DNAH7: variants seen among roughly 807,000 people sequenced by gnomAD.
The protein encoded by DNAH7 is axonemal beta dynein heavy chain 7.
In DNAH7, 397 loss-of-function variants were observed where a neutral mutation model predicts 444.6. The observed-to-expected ratio is 0.89, with a 90% CI of 0.82 to 0.97. DNAH7 has a LOEUF of 0.97. DNAH7 is among the 50% of genes least tolerant of loss of function. The pLI, the probability that DNAH7 is intolerant of heterozygous loss-of-function variation, is 0.00. For synonymous variants in DNAH7, 1,636 were observed against 1,624.4 expected (o/e 1.01, Z -0.17); for missense variants, 4,902 against 4,800.8 (o/e 1.02, Z -0.62).
intron 10 of DNAH7, among the ~76,000 whole-genome samples, chr2:196,005,897 A>G (rs182748310): frequency 2.0e-5 from 3 of 151,070 alleles, no homozygotes; most frequent in African/African-American, 7.4e-5. Flanking sequence ...TTACTATAAT[A>G]CCAACTACAA....
At chr2:196,021,968 A>C (rs1461542644) in intron 8 of DNAH7, among the ~76,000 whole-genome samples, 1 of 152,112 alleles carries the variant, frequency 6.6e-6, no homozygotes, top group Non-Finnish European at 1.5e-5. Context: ...CTCTACTAAA[A>C]ATACAAAAAT....
chr2:196,062,325 CTGGCACAT>C (rs1698174678), intron 1 of DNAH7, among the ~76,000 whole-genome samples: 1 of 152,182 alleles, frequency 6.6e-6, no homozygotes, highest in Non-Finnish European at 1.5e-5. Flanking sequence ...TCAACTCCCT[CTGGCACAT>C]ACTTAACTAA....
At chr2:195,950,362 C>T (rs192050015) in intron 19 of DNAH7, among the ~76,000 whole-genome samples, 2 of 152,226 alleles carry the variant, frequency 1.3e-5, no homozygotes, top group East Asian at 3.9e-4. Flanking sequence ...AGAATTTATC[C>T]ATTTCTTCTA....
At chr2:196,053,150 G>A (rs985001520) in intron 2 of DNAH7, among the ~76,000 whole-genome samples, 11 of 152,222 alleles carry the variant, frequency 7.2e-5, no homozygotes, top group African/African-American at 2.7e-4. Flanking sequence ...AAAAGTGCTA[G>A]GTAGATGGAG....
intron 13 of DNAH7, among the ~76,000 whole-genome samples, chr2:195,987,711 T>C (rs1453278783): frequency 6.6e-6 from 1 of 152,034 alleles, no homozygotes; most frequent in African/African-American, 2.4e-5. Context: ...ATGGGGCAAA[T>C]TATATAAAAT....
Position 195,884,815 on chromosome 2 carries a change from T to C in DNAH7, c.5539-6A>G, listed in dbSNP as rs370848889. 86 of 1,605,854 alleles carry C rather than the reference T, an allele frequency of 5.4e-5. No individual in the cohort carries two copies. Among genetic ancestry groups the C allele is most frequent in the Non-Finnish European group, 7.0e-5 (82 of 1,174,676 alleles). On this transcript the variant is annotated splice_region_variant and splice_polypyrimidine_tract_variant and intron_variant, in intron 34 of 64. Transcript: ENST00000312428. ...AATGAAAACAGAAAAATGCCCTGCA[T>C]TGGACAGATGAGAAGATTAAGAACA...
chr2:195,817,633 A>C, intron 50 of DNAH7, 63 bp downstream of exon 50: 1 of 1,478,814 alleles, frequency 6.8e-7, no homozygotes, highest in Non-Finnish European at 9.0e-7. Context: ...TGTAAAATGT[A>C]TTTTAATTCA....
chr2:195,762,761 C>T (rs1167345023), intron 61 of DNAH7, among the ~76,000 whole-genome samples: 19 of 152,108 alleles, frequency 1.2e-4, no homozygotes, highest in Admixed American at 1.2e-3. Flanking sequence ...GAGACACAGA[C>T]ACCAATAAAA....
At chr2:195,828,437 T>G (rs910973655) in intron 48 of DNAH7, among the ~76,000 whole-genome samples, 10 of 151,584 alleles carry the variant, frequency 6.6e-5, no homozygotes, top group Admixed American at 1.3e-4. Context: ...ACAAAAAAAT[T>G]AGCCAGGTGT....
In DNAH7 at chr2:195,817,677, T is replaced by C; in HGVS notation, c.9425+19A>G. On this transcript the variant is annotated intron_variant, in intron 50 of 64. Transcript: ENST00000312428. ...ATCTAGAAACAAATAAGAATAGTTC[T>C]GTTTATGACATTTAAAACCTTTTAT... is the stretch of plus-strand genomic sequence containing the variant. 3 of 1,585,300 alleles carry C rather than the reference T, an allele frequency of 1.9e-6. No homozygotes were observed. The highest frequency in any genetic ancestry group is 2.6e-6 in the Non-Finnish European group (3 of 1,171,110).
chr2:196,054,455 G>C (rs1375128702), intron 2 of DNAH7, among the ~76,000 whole-genome samples: 1 of 152,034 alleles, frequency 6.6e-6, no homozygotes, highest in Non-Finnish European at 1.5e-5. Flanking sequence ...ACAGGAGGTG[G>C]AGGTTGCCAT....
intron 49 of DNAH7, among the ~76,000 whole-genome samples, chr2:195,819,498 C>T (rs1000212284): frequency 6.6e-6 from 1 of 152,030 alleles, no homozygotes; most frequent in African/African-American, 2.4e-5. Flanking sequence ...ATGATTCTTC[C>T]CAAAGGCATT....
At chr2:196,061,749 A>G (rs1312644982) in intron 1 of DNAH7, among the ~76,000 whole-genome samples, 1 of 152,200 alleles carries the variant, frequency 6.6e-6, no homozygotes, top group African/African-American at 2.4e-5. Flanking sequence ...ATCAAGAAAG[A>G]ACGGGAAGAG....
chr2:195,890,486 G>GT (rs1173563739), intron 31 of DNAH7, among the ~76,000 whole-genome samples: 3 of 152,160 alleles, frequency 2.0e-5, no homozygotes, highest in African/African-American at 7.2e-5. Flanking sequence ...AATGTAAGTT[G>GT]TAAGTATAAA....
chr2:195,764,688 G>T (rs1393121946), intron 61 of DNAH7, among the ~76,000 whole-genome samples: 2 of 151,828 alleles, frequency 1.3e-5, no homozygotes, highest in African/African-American at 4.8e-5. Flanking sequence ...GAAGTAAAAA[G>T]ACCTCTATGA....
At position 195,799,474 on chromosome 2, in the gene DNAH7, T is replaced by C. The variant is rs1228135347; in HGVS notation, c.10177-2A>G. 42 of 1,590,214 alleles carry C rather than the reference T, an allele frequency of 2.6e-5. No homozygotes were observed. Among genetic ancestry groups the C allele is most frequent in the Non-Finnish European group, 3.3e-5 (39 of 1,169,632 alleles). On this transcript the variant is annotated splice_acceptor_variant, in intron 54 of 64. Coordinates refer to ENST00000312428, the MANE Select transcript of DNAH7 (RefSeq NM_018897.3). LOFTEE classifies it high-confidence loss of function. ...AAATTCCTGCAACATTGGAATAACCTAGAAAGAGACAAGGATATAGTTGGA... is the reference window on the plus strand; with the variant it reads ...AAATTCCTGCAACATTGGAATAACCCAGAAAGAGACAAGGATATAGTTGGA...
intron 46 of DNAH7, among the ~76,000 whole-genome samples, chr2:195,847,084 T>G (rs1219093859): frequency 6.9e-6 from 1 of 145,272 alleles, no homozygotes; most frequent in Admixed American, 6.9e-5. Flanking sequence ...ATATCTGATA[T>G]ATATATATCT....
chr2:195,768,355 C>T (rs1694683644), intron 61 of DNAH7, among the ~76,000 whole-genome samples: 1 of 151,444 alleles, frequency 6.6e-6, no homozygotes, highest in South Asian at 2.1e-4. Flanking sequence ...AAATTATACA[C>T]CTTTTTTCAT....
chr2:196,014,696 C>T (rs1250702002), intron 9 of DNAH7, among the ~76,000 whole-genome samples: 1 of 152,132 alleles, frequency 6.6e-6, no homozygotes, highest in African/African-American at 2.4e-5. Context: ...TCTCTTCTTA[C>T]CAAGTTTCCC....
Sources: allele counts gnomAD v4.1 joint callset (sites outside exome capture counted in the v4.1 genomes callset), GRCh38; gene constraint gnomAD v4.1.1; transcripts MANE v1.5; gene names NCBI Gene and HGNC (gene_info 2026-07-23, HGNC 2026-07-21).